Variants in POFUT3 observed in about 807,000 individuals in gnomAD.
The protein encoded by POFUT3 is GDP-fucose protein O-fucosyltransferase 3.
the POFUT3 span, among the ~76,000 whole-genome samples, chr8:33,354,035 C>T: frequency 6.6e-6 from 1 of 152,062 alleles, no homozygotes; most frequent in South Asian, 2.1e-4. Flanking sequence ...CTTCATTATC[C>T]ATACAGCTCT....
At chr8:33,428,740 A>T in the POFUT3 span, among the ~76,000 whole-genome samples, 11 of 152,162 alleles carry the variant, frequency 7.2e-5, no homozygotes, top group Non-Finnish European at 1.3e-4. Context: ...CAATGATAAA[A>T]GGGTTTGAGA....
chr8:33,411,028 T>A, the POFUT3 span, among the ~76,000 whole-genome samples: 2 of 152,128 alleles, frequency 1.3e-5, no homozygotes, highest in Non-Finnish European at 1.5e-5. Context: ...CCACTGGGTG[T>A]TATGGTCTGG....
chr8:33,459,835 G>C, the POFUT3 span, among the ~76,000 whole-genome samples: 1 of 152,110 alleles, frequency 6.6e-6, no homozygotes, highest in East Asian at 1.9e-4. Context: ...AAGGTGTGCA[G>C]ACTGCTTGAG....
the POFUT3 span, among the ~76,000 whole-genome samples, chr8:33,394,482 T>C: frequency 5.9e-5 from 9 of 152,160 alleles, no homozygotes; most frequent in East Asian, 1.5e-3. Context: ...CATAAGGACC[T>C]GCCACTTAGC....
the POFUT3 span, among the ~76,000 whole-genome samples, chr8:33,407,157 T>C: frequency 6.6e-6 from 1 of 152,140 alleles, no homozygotes; most frequent in Non-Finnish European, 1.5e-5. Flanking sequence ...ATGCCAGAGA[T>C]TTCATCTACC....
At chr8:33,447,197 C>G in the POFUT3 span, among the ~76,000 whole-genome samples, 852 of 152,278 alleles carry the variant, frequency 5.6e-3, 4 homozygotes, top group African/African-American at 0.019. Flanking sequence ...GCCTGTTAAT[C>G]CCAGCACTTT....
At chr8:33,471,800 C>G in the POFUT3 span, among the ~76,000 whole-genome samples, 2 of 152,162 alleles carry the variant, frequency 1.3e-5, no homozygotes, top group African/African-American at 2.4e-5. Flanking sequence ...TTTTAATTCA[C>G]TGTTACACAC....
the POFUT3 span, among the ~76,000 whole-genome samples, chr8:33,433,032 A>G: frequency 6.6e-6 from 1 of 152,014 alleles, no homozygotes; most frequent in African/African-American, 2.4e-5. Context: ...TCAGGAGTTC[A>G]AGACCAGCCT....
At chr8:33,394,944 G>A in the POFUT3 span, among the ~76,000 whole-genome samples, 10 of 152,140 alleles carry the variant, frequency 6.6e-5, no homozygotes, top group African/African-American at 1.4e-4. Flanking sequence ...TTTCTAAGAG[G>A]AGGCTGCATG....
the POFUT3 span, among the ~76,000 whole-genome samples, chr8:33,395,521 C>T: frequency 6.6e-6 from 1 of 151,998 alleles, no homozygotes; most frequent in African/African-American, 2.4e-5. Flanking sequence ...ATCCCCTTTC[C>T]AGCTCCCCAT....
chr8:33,356,442 A>G, the POFUT3 span, among the ~76,000 whole-genome samples: 1 of 151,406 alleles, frequency 6.6e-6, no homozygotes, highest in African/African-American at 2.4e-5. Context: ...GCATTTTTTC[A>G]TGTGTTTTTT....
the POFUT3 span, among the ~76,000 whole-genome samples, chr8:33,366,422 T>C: frequency 6.6e-6 from 1 of 152,022 alleles, no homozygotes; most frequent in East Asian, 1.9e-4. Context: ...ACTTCACTTG[T>C]AGAACTTTTC....
the POFUT3 span, among the ~76,000 whole-genome samples, chr8:33,454,810 G>A: frequency 6.6e-6 from 1 of 151,994 alleles, no homozygotes; most frequent in African/African-American, 2.4e-5. Flanking sequence ...GGGATTACAG[G>A]TGCCAGCCAC....
chr8:33,449,463 T>C, the POFUT3 span, among the ~76,000 whole-genome samples: 2 of 151,928 alleles, frequency 1.3e-5, no homozygotes, highest in Admixed American at 6.6e-5. Context: ...CTAATTTTTG[T>C]ATCTTTAGTA....
At chr8:33,308,814 A>G in the POFUT3 span, among the ~76,000 whole-genome samples, 371 of 152,132 alleles carry the variant, frequency 2.4e-3, 2 homozygotes, top group African/African-American at 8.1e-3. Context: ...AAAAAGAGCT[A>G]GGGTCCCAGA....
At chr8:33,459,289 G>A in the POFUT3 span, among the ~76,000 whole-genome samples, 7 of 151,934 alleles carry the variant, frequency 4.6e-5, no homozygotes, top group East Asian at 5.8e-4. Flanking sequence ...TCAGTGAGCC[G>A]AAATCACGCC....
the POFUT3 span, among the ~76,000 whole-genome samples, chr8:33,412,440 C>T: frequency 6.6e-6 from 1 of 152,218 alleles, no homozygotes; most frequent in African/African-American, 2.4e-5. Context: ...TGGGCTCCTT[C>T]ACCAGTCATC....
the POFUT3 span, among the ~76,000 whole-genome samples, chr8:33,334,366 C>T: frequency 1.3e-5 from 2 of 152,190 alleles, no homozygotes; most frequent in South Asian, 2.1e-4. Flanking sequence ...TACTGGCATG[C>T]GCCACCACAC....
chr8:33,411,049 T>C, the POFUT3 span, among the ~76,000 whole-genome samples: 1 of 152,166 alleles, frequency 6.6e-6, no homozygotes, highest in Non-Finnish European at 1.5e-5. Context: ...GCCATTCAGA[T>C]GCCAAACCTT....
Sources: allele counts gnomAD v4.1 joint callset (sites outside exome capture counted in the v4.1 genomes callset), GRCh38; gene constraint gnomAD v4.1.1; transcripts MANE v1.5; gene names NCBI Gene and HGNC (gene_info 2026-07-23, HGNC 2026-07-21).